BCAS3: variants seen among roughly 807,000 people sequenced by gnomAD.
The protein encoded by BCAS3 is BCAS4/BCAS3 fusion.
In BCAS3, 53 loss-of-function variants were observed where a neutral mutation model predicts 116.1. The observed-to-expected ratio is 0.46, with a 90% CI of 0.37 to 0.57. The LOEUF (loss-of-function observed/expected upper bound fraction) is 0.57, where lower values mean the gene tolerates loss of function less well. BCAS3 is among the 20% of genes least tolerant of loss of function. The pLI is 0.00. For missense variants in BCAS3, 917 were observed against 1,165.4 expected, an observed-to-expected ratio of 0.79 and a Z score of 3.10; for synonymous variants, 391 against 408.2, an observed-to-expected ratio of 0.96 and a Z score of 0.51.
chr17:60,709,414 A>T, intron 5 of BCAS3, 89 bp downstream of exon 5: 4 of 788,546 alleles, frequency 5.1e-6, no homozygotes, highest in Non-Finnish European at 6.3e-6. Flanking sequence ...TTTTTGAGAC[A>T]GAGTCTCACT....
rs1279507136 is a variant in BCAS3 at position 61,019,702 on chromosome 17, C to T, written c.1637+3801C>T. Among the ~76,000 whole-genome samples, 2 of 151,976 alleles carry T rather than the reference C, an allele frequency of 1.3e-5. No homozygotes were observed. The highest frequency in any genetic ancestry group is 2.9e-5 in the Non-Finnish European group (2 of 67,978). Reference sequence around the variant, plus strand: ...TATTTATTTTATTAAATTTTTTTTACTATGACAAATTCTTAAGACTGGAGT... The same window carrying T: ...TATTTATTTTATTAAATTTTTTTTATTATGACAAATTCTTAAGACTGGAGT... On this transcript the variant is annotated intron_variant, in intron 16 of 23. Transcript: ENST00000407086. The surrounding 1 kb of genome is among the most constrained non-coding windows in gnomAD (Gnocchi z 5.6).
intron 22 of BCAS3, among the ~76,000 whole-genome samples, chr17:61,194,249 T>G (rs1486643911): frequency 6.6e-6 from 1 of 152,240 alleles, no homozygotes; most frequent in Non-Finnish European, 1.5e-5. Flanking sequence ...GGCTTCATTC[T>G]TTCCTCACTA....
At chr17:60,748,171 T>C (rs1177159540) in intron 6 of BCAS3, among the ~76,000 whole-genome samples, 1 of 152,230 alleles carries the variant, frequency 6.6e-6, no homozygotes, top group East Asian at 1.9e-4. Flanking sequence ...TTGTAGCAGC[T>C]AATCCTCTAA....
At chr17:60,681,431 C>T (rs910032085) in intron 2 of BCAS3, among the ~76,000 whole-genome samples, 4 of 150,930 alleles carry the variant, frequency 2.7e-5, no homozygotes, top group East Asian at 2.0e-4. Context: ...ACCCGGGAGG[C>T]GGAGGTTGCA....
At chr17:61,280,624 G>T (rs1012482353) in intron 22 of BCAS3, among the ~76,000 whole-genome samples, 2 of 152,134 alleles carry the variant, frequency 1.3e-5, no homozygotes, top group Admixed American at 6.5e-5. Flanking sequence ...TGGTTGTATA[G>T]ATTTGATAAA....
In BCAS3 at chr17:60,990,381, A is replaced by T; in HGVS notation, c.1486+146A>T. 1.2e-6 allele frequency: 1 copy of T among 858,880 alleles called. No homozygotes were observed. The highest frequency in any genetic ancestry group is 1.7e-6 in the Non-Finnish European group (1 of 586,688). The allele number at this position is 858,880 out of a possible 1,614,324, so 53.2% of individuals were successfully genotyped here. ...TATATGAAATTCTTAATTATTAAATAATTTAATAAATTGGAGCCAGTATAG... is the reference window on the plus strand; with the variant it reads ...TATATGAAATTCTTAATTATTAAATTATTTAATAAATTGGAGCCAGTATAG... On this transcript the variant is annotated intron_variant, in intron 15 of 23. Transcript: ENST00000407086. The surrounding 1 kb of genome is among the most constrained non-coding windows in gnomAD (Gnocchi z 5.1).
intron 7 of BCAS3, among the ~76,000 whole-genome samples, chr17:60,843,494 C>T (rs1274654381): frequency 6.6e-6 from 1 of 152,162 alleles, no homozygotes; most frequent in Admixed American, 6.5e-5. Context: ...GCTGGAATTA[C>T]AGGCATTGAG....
chr17:60,990,525 A>C lies in BCAS3; in HGVS notation c.1486+290A>C, dbSNP rs879587332. ...TTTTTATAACTTCAGAGAACTGAAC[A>C]TCCTTTTTACTTATCTCTTCCAGAA... On this transcript the variant is annotated intron_variant, in intron 15 of 23. Transcript: ENST00000407086. This position sits in a 1 kb window ranked among gnomAD's most constrained non-coding sequence, Gnocchi z 5.1. 1.1e-4 allele frequency among the ~76,000 whole-genome samples: 16 copies of C among 152,200 alleles called. No homozygotes were observed. The highest frequency in any genetic ancestry group is 1.9e-4 in the Non-Finnish European group (13 of 68,040).
intron 2 of BCAS3, among the ~76,000 whole-genome samples, chr17:60,680,241 G>A (rs1200429554): frequency 6.6e-6 from 1 of 151,918 alleles, no homozygotes; most frequent in African/African-American, 2.4e-5. Flanking sequence ...ATATGTTCAT[G>A]TGTATGTATA....
At chr17:60,868,427 A>G (rs74750361) in intron 7 of BCAS3, 149 bp from the exon 8 acceptor site, 10,889 of 496,658 alleles carry the variant, frequency 0.022, 186 homozygotes, top group East Asian at 0.058. Flanking sequence ...TAAGGGATGT[A>G]TTATGATCAT....
At chr17:60,835,619 A>G (rs2051302294) in intron 7 of BCAS3, among the ~76,000 whole-genome samples, 1 of 152,116 alleles carries the variant, frequency 6.6e-6, no homozygotes, top group Admixed American at 6.5e-5. Context: ...TCAAATGTTT[A>G]AAGAAAAGCT....
intron 9 of BCAS3, among the ~76,000 whole-genome samples, chr17:60,881,050 C>T (rs184699098): frequency 3.3e-5 from 5 of 152,330 alleles, no homozygotes; most frequent in African/African-American, 9.6e-5. Context: ...TCTCAGCTCA[C>T]TGCAAGCTCC....
intron 6 of BCAS3, among the ~76,000 whole-genome samples, chr17:60,759,722 A>G (rs1405021323): frequency 6.6e-6 from 1 of 151,150 alleles, no homozygotes; most frequent in Non-Finnish European, 1.5e-5. Flanking sequence ...TGAAGTGCAG[A>G]GGTGTGATTG....
chr17:61,168,682 G>T (rs1411548233), intron 22 of BCAS3, among the ~76,000 whole-genome samples: 1 of 152,168 alleles, frequency 6.6e-6, no homozygotes, highest in East Asian at 1.9e-4. Context: ...GTGGGAGAAG[G>T]AGCAGGTTCT....
chr17:61,287,684 T>G (rs2051965482), intron 22 of BCAS3, among the ~76,000 whole-genome samples: 1 of 151,582 alleles, frequency 6.6e-6, no homozygotes. Flanking sequence ...CAAGATGGCA[T>G]CGTTACACTC....
chr17:60,886,178 G>A (rs1459191202), intron 9 of BCAS3, among the ~76,000 whole-genome samples: 10 of 143,250 alleles, frequency 7.0e-5, no homozygotes, highest in South Asian at 2.4e-4. Flanking sequence ...TTCCCTTCTC[G>A]CTTCATTTCA....
In BCAS3 at chr17:61,082,837, A is replaced by G. The variant is rs1186962845; in HGVS notation, c.2328-1630A>G. Among the ~76,000 whole-genome samples the G allele has an allele frequency of 6.6e-6, 1 of 152,180 alleles. No individual in the cohort carries two copies. ...GGGTAGTCCTACATAGCAGTGATCA[A>G]TATTTGTTAATCAGTATTTTCACCT... On this transcript the variant is annotated intron_variant, in intron 21 of 23. Coordinates refer to ENST00000407086, the MANE Select transcript of BCAS3 (RefSeq NM_017679.5). This position sits in a 1 kb window ranked among gnomAD's most constrained non-coding sequence, Gnocchi z 5.1.
chr17:61,040,981 G>C (rs1020724259), intron 19 of BCAS3, 89 bp downstream of exon 19: 1 of 1,083,704 alleles, frequency 9.2e-7, no homozygotes, highest in Non-Finnish European at 1.4e-6. Context: ...CATTACCACT[G>C]GTCCATAGGC....
At chr17:61,014,172 A>C (rs1443498383) in intron 15 of BCAS3, among the ~76,000 whole-genome samples, 2 of 152,146 alleles carry the variant, frequency 1.3e-5, no homozygotes, top group African/African-American at 4.8e-5. Context: ...TTTTATCGAC[A>C]GTCAAGAACA....
Sources: allele counts gnomAD v4.1 joint callset (sites outside exome capture counted in the v4.1 genomes callset), GRCh38; gene constraint gnomAD v4.1.1; non-coding constraint Gnocchi (gnomAD v3.1); transcripts MANE v1.5; gene names NCBI Gene and HGNC (gene_info 2026-07-23, HGNC 2026-07-21).